Variants in LMCD1 observed in about 807,000 individuals in gnomAD.
The protein encoded by LMCD1 is LIM and cysteine-rich domains protein 1.
Under a neutral mutation model 42.7 loss-of-function variants are expected in LMCD1, and 32 were observed. The observed-to-expected ratio is 0.75, with a 90% CI of 0.57 to 1.01. LMCD1 has a LOEUF of 1.01. Ranked by LOEUF, LMCD1 falls within the 50% of genes least tolerant of loss-of-function variation. LMCD1 has a pLI of 0.00. For synonymous variants in LMCD1, 178 were observed against 184.9 expected (o/e 0.96, Z 0.30); for missense variants, 458 against 483.1 (o/e 0.95, Z 0.49).
At chr3:8,560,859 T>G (rs1330177581) in intron 4 of LMCD1, among the ~76,000 whole-genome samples, 1 of 152,196 alleles carries the variant, frequency 6.6e-6, no homozygotes, top group Non-Finnish European at 1.5e-5. Flanking sequence ...AAATCTAGCA[T>G]GTTCTAAGGA....
intron 3 of LMCD1, among the ~76,000 whole-genome samples, chr3:8,543,154 C>A (rs1446541518): frequency 6.6e-6 from 1 of 152,146 alleles, no homozygotes; most frequent in African/African-American, 2.4e-5. Flanking sequence ...AGGCCCTGGG[C>A]AAGAAATAGG....
At chr3:8,557,578 C>T (rs562015624) in intron 4 of LMCD1, among the ~76,000 whole-genome samples, 2 of 152,314 alleles carry the variant, frequency 1.3e-5, no homozygotes, top group Non-Finnish European at 1.5e-5. Context: ...TCTCTGAAGG[C>T]CAACACAGTT....
intron 1 of LMCD1, among the ~76,000 whole-genome samples, chr3:8,502,304 A>AATATATATT (rs1693745934): frequency 8.1e-5 from 1 of 12,366 alleles, no homozygotes; most frequent in African/African-American, 3.3e-4. Context: ...TATTATATAT[A>AATATATATT]ATATATAAAA....
At chr3:8,539,218 A>AG (rs1457215444) in intron 3 of LMCD1, among the ~76,000 whole-genome samples, 1 of 152,190 alleles carries the variant, frequency 6.6e-6, no homozygotes, top group Non-Finnish European at 1.5e-5. Context: ...CTGTTGCCTT[A>AG]GGGGGGAAAA....
At chr3:8,515,494 A>C (rs2125013448) in intron 1 of LMCD1, among the ~76,000 whole-genome samples, 1 of 152,242 alleles carries the variant, frequency 6.6e-6, no homozygotes, top group East Asian at 1.9e-4. Context: ...AAGCATCTAC[A>C]GTGGCTGTCT....
intron 4 of LMCD1, among the ~76,000 whole-genome samples, chr3:8,558,854 AG>A (rs1216595241): frequency 6.6e-6 from 1 of 152,208 alleles, no homozygotes; most frequent in African/African-American, 2.4e-5. Context: ...CGGTTCTCAA[AG>A]TGTGGCCCCA....
chr3:8,567,615 A>G lies in LMCD1; in HGVS notation c.*17A>G. ...CGCTCCTGAAGGGCTGCCCACCCAC[A>G]GCCAGAATCCACAGGATCCCACCGA... On this transcript the variant is annotated 3_prime_UTR_variant, in exon 6 of 6. Transcript: ENST00000157600. 6.2e-7 allele frequency: 1 copy of G among 1,603,598 alleles called. No homozygotes were observed. Among genetic ancestry groups the G allele is most frequent in the South Asian group, 1.1e-5 (1 of 90,402 alleles).
chr3:8,515,016 C>T (rs1180129468), intron 1 of LMCD1: 1 of 456,826 alleles, frequency 2.2e-6, no homozygotes, highest in Non-Finnish European at 4.4e-6. Flanking sequence ...CTTTGAAGTA[C>T]TGTTAGATAA....
At chr3:8,529,344 G>C (rs1426926557) in intron 1 of LMCD1, among the ~76,000 whole-genome samples, 2 of 152,160 alleles carry the variant, frequency 1.3e-5, no homozygotes, top group African/African-American at 2.4e-5. Context: ...TCCTTGCAAG[G>C]CCATTTATTT....
At chr3:8,553,582 C>T (rs534290013) in intron 4 of LMCD1, among the ~76,000 whole-genome samples, 1 of 152,286 alleles carries the variant, frequency 6.6e-6, no homozygotes, top group South Asian at 2.1e-4. Context: ...CCCCAGCTTC[C>T]CAACCCCAGG....
At chr3:8,545,976 A>C (rs150252756) in intron 3 of LMCD1, among the ~76,000 whole-genome samples, 243 of 152,254 alleles carry the variant, frequency 1.6e-3, no homozygotes, top group African/African-American at 5.6e-3. Flanking sequence ...AAAATACAAA[A>C]ATTAGCCGGG....
In LMCD1 at chr3:8,567,536, G is replaced by A. The variant is rs770737457; in HGVS notation, c.1036G>A (p.Ala346Thr). 1.2e-5 allele frequency: 20 copies of A among 1,613,684 alleles called. No homozygotes were observed. The highest frequency in any genetic ancestry group is 2.2e-5 in the East Asian group (1 of 44,848). Reference sequence around the variant, plus strand: ...TTGTGAGCAGCTGCTGAGCGGCCGGGCGTACATCGTCACCAAGGGTCAGCT... The same window carrying A: ...TTGTGAGCAGCTGCTGAGCGGCCGGACGTACATCGTCACCAAGGGTCAGCT... ...EGCEQLLSGRAYIVTKGQLLC... is the reference protein window; with the variant it reads ...EGCEQLLSGRTYIVTKGQLLC... The change falls in exon 6 of 6, where the codon GCG (alanine) becomes ACG (threonine). Residue 346 changes from alanine to threonine, a missense_variant. Transcript: ENST00000157600.
chr3:8,537,017 A>C (rs1694518576), intron 2 of LMCD1, among the ~76,000 whole-genome samples, 168 bp from the exon 3 acceptor site: 1 of 152,220 alleles, frequency 6.6e-6, no homozygotes, highest in African/African-American at 2.4e-5. Flanking sequence ...TCCCAAATGC[A>C]GTTCCCAATT....
intron 4 of LMCD1, among the ~76,000 whole-genome samples, chr3:8,549,237 C>G (rs1694796998): frequency 6.6e-6 from 1 of 152,100 alleles, no homozygotes. Context: ...GTCTAGGGGT[C>G]ATCCAAGCCT....
intron 4 of LMCD1, among the ~76,000 whole-genome samples, chr3:8,555,752 A>T: frequency 9.6e-6 from 1 of 104,416 alleles, no homozygotes; most frequent in Admixed American, 1.3e-4. Context: ...AGTGGGCTGC[A>T]TATTATTCCA....
Position 8,537,189 on chromosome 3 carries a change from A to G in LMCD1, c.136A>G (p.Ile46Val), listed in dbSNP as rs1185337039. The G allele has an allele frequency of 2.5e-6, 4 of 1,613,610 alleles. No homozygotes were observed. Among genetic ancestry groups the G allele is most frequent in the Non-Finnish European group, 3.4e-6 (4 of 1,179,586 alleles). The change falls in exon 3 of 6, where the codon ATA becomes GTA. Residue 46 changes from isoleucine (I) to valine (V), a missense_variant. Physicochemically the swap from Ile to Val is conservative, Grantham distance 29. Coordinates refer to ENST00000157600, the MANE Select transcript of LMCD1 (RefSeq NM_014583.4). ...SGFEPHSWRK[I>V]CKSCKCSQED... The stretch of plus-strand genomic sequence containing the variant: ...TCCCCATCCACCCACCCCCAGGAAA[A>G]TATGCAAGTCTTGCAAATGCAGCCA...
At chr3:8,519,879 G>A (rs1480369104) in intron 1 of LMCD1, among the ~76,000 whole-genome samples, 1 of 152,044 alleles carries the variant, frequency 6.6e-6, no homozygotes, top group Admixed American at 6.6e-5. Flanking sequence ...AATGTTGGTT[G>A]AAGGAAATCC....
At chr3:8,537,537 C>T in intron 3 of LMCD1, 97 bp downstream of exon 3, 1 of 1,343,224 alleles carries the variant, frequency 7.4e-7, no homozygotes, top group African/African-American at 1.5e-5. Context: ...GTGGCAAGAG[C>T]TCAAGGTCAC....
chr3:8,567,402 G>C, intron 5 of LMCD1, 38 bp from the exon 6 acceptor site: 1 of 1,606,342 alleles, frequency 6.2e-7, no homozygotes, highest in Non-Finnish European at 8.5e-7. Flanking sequence ...CCTAGGGACA[G>C]AAACTGAGTC....
Sources: gnomAD v4.1 joint callset for allele counts (sites outside exome capture counted in the v4.1 genomes callset) on GRCh38, gnomAD v4.1.1 for gene constraint, MANE v1.5 for transcripts, NCBI Gene and HGNC (gene_info 2026-07-23, HGNC 2026-07-21) for gene names.